Variants in RIMS2 observed in about 807,000 individuals in gnomAD.
The protein encoded by RIMS2 is regulating synaptic membrane exocytosis protein 2.
Under a neutral mutation model 174.4 loss-of-function variants are expected in RIMS2, and 59 were observed. That is an observed-to-expected ratio of 0.34 (90% CI 0.27 to 0.42). The LOEUF (loss-of-function observed/expected upper bound fraction) is 0.42. Ranked by LOEUF, RIMS2 falls within the 10% of genes least tolerant of loss-of-function variation. The pLI is 1.00. For missense variants in RIMS2, 1,620 were observed against 1,666.3 expected, an observed-to-expected ratio of 0.97 and a Z score of 0.48; for synonymous variants, 606 against 572.5, an observed-to-expected ratio of 1.06 and a Z score of -0.84.
intron 1 of RIMS2, among the ~76,000 whole-genome samples, chr8:103,688,038 C>G (rs1007800930): frequency 3.3e-5 from 5 of 152,048 alleles, no homozygotes; most frequent in Non-Finnish European, 7.4e-5. Context: ...ATCATGTTGT[C>G]CACAAACAGA....
rs185439142 is a variant in RIMS2 at position 104,181,684 on chromosome 8, A to G, written c.3335-63232A>G. ...CTATTGCTTTTGAACTCTAAGGGGAAAAGAGTATAATCCAGGATTTTATGA... is the reference window on the plus strand; with the variant it reads ...CTATTGCTTTTGAACTCTAAGGGGAGAAGAGTATAATCCAGGATTTTATGA... On this transcript the variant is annotated intron_variant, in intron 19 of 23. Transcript: ENST00000504942. Among the ~76,000 whole-genome samples the G allele has an allele frequency of 2.2e-3, 333 of 151,810 alleles. 1 individual carries two copies. Among genetic ancestry groups the G allele is most frequent in the African/African-American group, 7.5e-3 (312 of 41,512 alleles).
rs370047208 is a variant in RIMS2, at chr8:103,916,444, T to A, written c.1943T>A (p.Leu648Gln). The change falls in exon 8 of 24, where the codon CTA becomes CAA. Residue 648 changes from leucine (L) to glutamine (Q), a missense_variant. Coordinates refer to ENST00000504942, the Ensembl canonical transcript of RIMS2. ...GAAGTATTAGAATGGAATGGAAGAC[T>A]ACTGCAAGGAGCCACATTTGAGGAA... 1.9e-5 allele frequency: 30 copies of A among 1,609,196 alleles called. No individual in the cohort carries two copies. The African/African-American group carries it at 4.0e-4, about 21-fold the overall frequency.
intron 3 of RIMS2, among the ~76,000 whole-genome samples, chr8:103,792,334 C>T (rs923686327): frequency 3.3e-5 from 5 of 152,150 alleles, no homozygotes; most frequent in East Asian, 1.9e-4. Context: ...GGATGCATAA[C>T]GAAATGAAGG....
At position 103,877,714 on chromosome 8, in the gene RIMS2, G is replaced by T. The variant is rs549888483; in HGVS notation, c.699-7584G>T. The stretch of plus-strand genomic sequence containing the variant: ...GCTTTGAATTACTTTGGCTATTGAG[G>T]CTCTTTTTTTTTGTTCTATGTGAAC... On this transcript the variant is annotated intron_variant, in intron 3 of 23. Transcript: ENST00000504942. 1.5e-4 allele frequency among the ~76,000 whole-genome samples: 22 copies of T among 151,474 alleles called. No individual in the cohort carries two copies. The South Asian group carries it at 4.4e-3, about 30-fold the overall frequency.
intron 19 of RIMS2, among the ~76,000 whole-genome samples, chr8:104,161,209 A>G (rs1430221854): frequency 6.6e-6 from 1 of 152,180 alleles, no homozygotes; most frequent in Non-Finnish European, 1.5e-5. Context: ...TTAATGTAAT[A>G]GTGGAAATGA....
At chr8:104,175,601 G>T (rs1293772448) in intron 19 of RIMS2, among the ~76,000 whole-genome samples, 2 of 151,950 alleles carry the variant, frequency 1.3e-5, no homozygotes, top group African/African-American at 4.8e-5. Context: ...CTTTTAAGTT[G>T]CAATAAGAAA....
intron 1 of RIMS2, among the ~76,000 whole-genome samples, chr8:103,659,831 G>A (rs1214267772): frequency 6.6e-6 from 1 of 152,212 alleles, no homozygotes; most frequent in Non-Finnish European, 1.5e-5. Context: ...ATTGGCAGTG[G>A]CACTTCCAAA....
chr8:103,650,837 G>A (rs1269274347), intron 1 of RIMS2, among the ~76,000 whole-genome samples: 1 of 152,202 alleles, frequency 6.6e-6, no homozygotes, highest in African/African-American at 2.4e-5. Context: ...TCCTGACTCA[G>A]GCAGACTCCA....
At chr8:103,728,213 C>T (rs1041284229) in intron 2 of RIMS2, among the ~76,000 whole-genome samples, 7 of 152,044 alleles carry the variant, frequency 4.6e-5, no homozygotes, top group Admixed American at 1.3e-4. Context: ...AATGGGATGA[C>T]TTTCTTGATT....
rs144225573 is a variant in RIMS2, at chr8:103,885,624, A to G, written c.1025A>G (p.Tyr342Cys). The G allele has an allele frequency of 1.7e-4, 274 of 1,613,154 alleles. No individual in the cohort carries two copies. In the African/African-American group the frequency reaches 3.1e-3, roughly 18 times the overall value. ...CGAAGTGATCCGAATTTGGCCCGTT[A>G]TCCAGTAAAGCCACAACCCTATGAA... Residue 342 changes from tyrosine (Y) to cysteine (C), a missense_variant, in exon 4 of 24, where the codon TAT (tyrosine) becomes TGT (cysteine). Around this residue, in one of 2 missense-constraint regions of RIMS2, gnomAD observed 1,395 missense variants for 1,360.1 expected, o/e 1.03. Transcript: ENST00000504942.
intron 19 of RIMS2, among the ~76,000 whole-genome samples, chr8:104,054,976 A>G (rs565251583): frequency 6.6e-6 from 1 of 152,234 alleles, no homozygotes; most frequent in African/African-American, 2.4e-5. Context: ...CTCTCTGTAT[A>G]GGAATCCATT....
intron 3 of RIMS2, among the ~76,000 whole-genome samples, chr8:103,787,562 T>A (rs1043372100): frequency 7.9e-5 from 12 of 152,182 alleles, no homozygotes; most frequent in Non-Finnish European, 1.0e-4. Context: ...AAATTCTGGG[T>A]TGAAAATTCT....
intron 19 of RIMS2, among the ~76,000 whole-genome samples, chr8:104,244,607 T>A (rs760753026): frequency 2.0e-5 from 3 of 152,214 alleles, no homozygotes; most frequent in Non-Finnish European, 2.9e-5. Context: ...AGTATTACAA[T>A]GAAAATAAGG....
intron 2 of RIMS2, among the ~76,000 whole-genome samples, chr8:103,756,315 C>A (rs370993985): frequency 1.1e-4 from 16 of 151,386 alleles, no homozygotes; most frequent in African/African-American, 3.6e-4. Flanking sequence ...CTGGGAGCTG[C>A]AGACCGGAGC....
At chr8:103,507,021 A>G (rs1345191794) in intron 1 of RIMS2, among the ~76,000 whole-genome samples, 1 of 152,142 alleles carries the variant, frequency 6.6e-6, no homozygotes, top group Non-Finnish European at 1.5e-5. Flanking sequence ...TTATTTAACT[A>G]AAATCTATAT....
intron 3 of RIMS2, among the ~76,000 whole-genome samples, chr8:103,806,788 T>C (rs1449679857): frequency 6.6e-6 from 1 of 152,080 alleles, no homozygotes; most frequent in East Asian, 1.9e-4. Flanking sequence ...TGTTCCATTT[T>C]GAAGATAGAG....
chr8:103,915,402 G>C, intron 6 of RIMS2, 93 bp from the exon 10 acceptor site: 1 of 602,300 alleles, frequency 1.7e-6, no homozygotes, highest in South Asian at 2.9e-5. Flanking sequence ...CGTTTTAGGT[G>C]TTGCAAATTG....
At chr8:104,103,226 G>T (rs1407744530) in intron 19 of RIMS2, among the ~76,000 whole-genome samples, 1 of 152,218 alleles carries the variant, frequency 6.6e-6, no homozygotes, top group African/African-American at 2.4e-5. Flanking sequence ...CAGGGGTTAA[G>T]GGGAAAGGAG....
intron 1 of RIMS2, among the ~76,000 whole-genome samples, chr8:103,604,617 C>G (rs1406953684): frequency 6.7e-6 from 1 of 149,886 alleles, no homozygotes; most frequent in Admixed American, 6.6e-5. Flanking sequence ...GATATTGATT[C>G]TTCCTACCCA....
Sources: gnomAD v4.1 joint callset for allele counts (sites outside exome capture counted in the v4.1 genomes callset) on GRCh38, gnomAD v4.1.1 for gene constraint, gnomAD v4.1.1 regional missense constraint, MANE v1.5 for transcripts, NCBI Gene and HGNC (gene_info 2026-07-23, HGNC 2026-07-21) for gene names.